Variants in BACH2 observed in about 807,000 individuals in gnomAD.
The protein encoded by BACH2 is transcription regulator protein BACH2.
In BACH2, 5 loss-of-function variants were observed where a neutral mutation model predicts 61.8. The ratio of observed to expected loss-of-function variants is 0.08; its 90% CI spans 0.04 to 0.17. The LOEUF (loss-of-function observed/expected upper bound fraction) is 0.17, where lower values mean the gene tolerates loss of function less well. Ranked by LOEUF, BACH2 falls within the 10% of genes least tolerant of loss-of-function variation. BACH2 has a pLI of 1.00. For synonymous variants in BACH2, 446 were observed against 440.1 expected, an observed-to-expected ratio of 1.01 and a Z score of -0.17; for missense variants, 824 against 1,091.1, an observed-to-expected ratio of 0.76 and a Z score of 3.45.
At chr6:90,212,269 G>A (rs1319433) in intron 3 of BACH2, among the ~76,000 whole-genome samples, 50,908 of 152,036 alleles carry the variant, frequency 0.33, 9,783 homozygotes, top group Non-Finnish European at 0.43. Flanking sequence ...TGCTGGGATT[G>A]AAGGATCCAA....
intron 5 of BACH2, among the ~76,000 whole-genome samples, chr6:90,060,987 C>T (rs1187702761): frequency 6.6e-6 from 1 of 151,938 alleles, no homozygotes; most frequent in Non-Finnish European, 1.5e-5. Context: ...TCATTACTTC[C>T]TAGGAGTTCT....
At position 89,963,244 on chromosome 6, in the gene BACH2, G is replaced by T. The variant is rs533253033; in HGVS notation, c.244-11382C>A. 4.0e-4 allele frequency among the ~76,000 whole-genome samples: 61 copies of T among 152,264 alleles called. 1 individual carries two copies. The South Asian group carries it at 0.012, about 31-fold the overall frequency. On this transcript the variant is annotated intron_variant, in intron 6 of 8. Coordinates refer to ENST00000257749, the MANE Select transcript of BACH2 (RefSeq NM_021813.4). ...AAAAAACAGAGTAACAAGTGTCAGCGAGGCCGTGGAGAAATTGAAATCCTT... is the reference window on the plus strand; with the variant it reads ...AAAAAACAGAGTAACAAGTGTCAGCTAGGCCGTGGAGAAATTGAAATCCTT...
chr6:90,116,172 C>T (rs189843246), intron 4 of BACH2, among the ~76,000 whole-genome samples: 1 of 152,130 alleles, frequency 6.6e-6, no homozygotes, highest in East Asian at 1.9e-4. Context: ...AGAGCATTCT[C>T]CCATAAAGAC....
chr6:90,149,723 C>T (rs2208040), intron 4 of BACH2, among the ~76,000 whole-genome samples: 12,173 of 152,208 alleles, frequency 0.08, 1,037 homozygotes, highest in African/African-American at 0.21. Context: ...AAAATCTTTT[C>T]ATCCTGCTCT....
chr6:90,239,602 C>A (rs1770370229), intron 3 of BACH2, among the ~76,000 whole-genome samples: 1 of 152,114 alleles, frequency 6.6e-6, no homozygotes, highest in Non-Finnish European at 1.5e-5. Flanking sequence ...TAATCTCTGG[C>A]AATATGCACA....
chr6:89,991,093 T>A (rs1243200449), intron 6 of BACH2, among the ~76,000 whole-genome samples: 2 of 152,226 alleles, frequency 1.3e-5, no homozygotes, highest in Non-Finnish European at 2.9e-5. Context: ...CTTGTTTTCT[T>A]ATTTGCCCTC....
chr6:90,268,372 A>G lies in BACH2; in HGVS notation c.-353+3477T>C, dbSNP rs376898206. Among the ~76,000 whole-genome samples, 4 of 152,294 alleles carry G rather than the reference A, an allele frequency of 2.6e-5. No homozygotes were observed. The South Asian group carries it at 6.2e-4, about 24-fold the overall frequency. On this transcript the variant is annotated intron_variant, in intron 2 of 8. Transcript: ENST00000257749. Reference sequence around the variant, plus strand: ...GTCCCCAAAAACCCACTTTGAGGATATGTTCTGAAATTAGTATCTACTGAA... The same window carrying G: ...GTCCCCAAAAACCCACTTTGAGGATGTGTTCTGAAATTAGTATCTACTGAA...
At chr6:90,295,595 T>G (rs1397639377) in intron 1 of BACH2, among the ~76,000 whole-genome samples, 3 of 152,012 alleles carry the variant, frequency 2.0e-5, no homozygotes, top group Admixed American at 2.0e-4. Context: ...GAGGGCAGTG[T>G]CCCCTTCATA....
rs540919289 is a variant in BACH2 at position 90,095,019 on chromosome 6, C to T, written c.-161-5910G>A. Among the ~76,000 whole-genome samples, 21 of 152,312 alleles carry T rather than the reference C, an allele frequency of 1.4e-4. No homozygotes were observed. The South Asian group carries it at 2.1e-3, about 15-fold the overall frequency. On this transcript the variant is annotated intron_variant, in intron 4 of 8. Coordinates refer to ENST00000257749, the MANE Select transcript of BACH2 (RefSeq NM_021813.4). Reference sequence around the variant, plus strand: ...CTTTTTAAAAAGGTCAAATCTCAAACGTTCAGCTGGTTCCAGGCTATATAA... The same window carrying T: ...CTTTTTAAAAAGGTCAAATCTCAAATGTTCAGCTGGTTCCAGGCTATATAA...
chr6:90,207,721 A>T (rs1433389360), intron 3 of BACH2, among the ~76,000 whole-genome samples: 1 of 152,130 alleles, frequency 6.6e-6, no homozygotes, highest in Non-Finnish European at 1.5e-5. Context: ...GAAAATGTTC[A>T]ACAGGAAAAG....
intron 4 of BACH2, among the ~76,000 whole-genome samples, chr6:90,144,196 G>A (rs1430610465): frequency 6.6e-6 from 1 of 152,180 alleles, no homozygotes; most frequent in Non-Finnish European, 1.5e-5. Flanking sequence ...TGATTCCAAT[G>A]GCTTGCCTTT....
intron 4 of BACH2, among the ~76,000 whole-genome samples, chr6:90,146,873 A>G (rs750444300): frequency 3.3e-5 from 5 of 152,240 alleles, no homozygotes; most frequent in African/African-American, 9.6e-5. Context: ...AATGACGATT[A>G]AAACTATTCA....
intron 5 of BACH2, among the ~76,000 whole-genome samples, chr6:90,048,323 C>G (rs756500356): frequency 8.6e-5 from 13 of 152,038 alleles, no homozygotes; most frequent in Non-Finnish European, 1.8e-4. Context: ...GAGACAGGGT[C>G]TCACTATATT....
intron 5 of BACH2, among the ~76,000 whole-genome samples, chr6:90,050,377 C>T (rs552510856): frequency 3.0e-4 from 45 of 152,208 alleles, no homozygotes; most frequent in African/African-American, 8.7e-4. Flanking sequence ...CAAATTTTAA[C>T]GTAATATCGA....
At chr6:89,989,864 A>G (rs779175082) in intron 6 of BACH2, among the ~76,000 whole-genome samples, 5 of 152,230 alleles carry the variant, frequency 3.3e-5, no homozygotes, top group Non-Finnish European at 7.3e-5. Context: ...AATAGTCTCA[A>G]AGCTGCCAGA....
intron 5 of BACH2, among the ~76,000 whole-genome samples, chr6:90,071,527 G>A (rs1241005572): frequency 1.3e-5 from 2 of 152,208 alleles, no homozygotes; most frequent in Admixed American, 6.5e-5. Flanking sequence ...TTACAAAGAT[G>A]AGCTGGTGTG....
chr6:90,012,814 T>A (rs888840727), intron 5 of BACH2, among the ~76,000 whole-genome samples: 1 of 151,816 alleles, frequency 6.6e-6, no homozygotes, highest in Non-Finnish European at 1.5e-5. Context: ...TAAAGAGGCA[T>A]GTGCCACCGT....
At chr6:89,983,728 T>C (rs1776084365) in intron 6 of BACH2, among the ~76,000 whole-genome samples, 1 of 152,198 alleles carries the variant, frequency 6.6e-6, no homozygotes, top group African/African-American at 2.4e-5. Flanking sequence ...GGCTACTGGC[T>C]ACCATATTGG....
At chr6:90,015,025 C>T (rs1777984572) in intron 5 of BACH2, among the ~76,000 whole-genome samples, 1 of 150,472 alleles carries the variant, frequency 6.6e-6, no homozygotes, top group South Asian at 2.1e-4. Flanking sequence ...AAGTGATTCT[C>T]CTGCTTTGGC....
Sources: gnomAD v4.1 joint callset for allele counts (sites outside exome capture counted in the v4.1 genomes callset) on GRCh38, gnomAD v4.1.1 for gene constraint, MANE v1.5 for transcripts, NCBI Gene and HGNC (gene_info 2026-07-23, HGNC 2026-07-21) for gene names.